Variants in GMNC observed in about 807,000 individuals in gnomAD.
GMNC encodes geminin coiled-coil domain-containing protein 1.
In GMNC, 16 loss-of-function variants were observed where a neutral mutation model predicts 33.6. The ratio of observed to expected loss-of-function variants is 0.48; its 90% CI spans 0.32 to 0.72. GMNC has a LOEUF of 0.72. Among genes scored for constraint, GMNC ranks in the 30% least tolerant of loss-of-function variants. GMNC has a pLI of 0.03. For missense variants in GMNC, 393 were observed against 388.9 expected, an observed-to-expected ratio of 1.01 and a Z score of -0.09; for synonymous variants, 156 against 147.3, an observed-to-expected ratio of 1.06 and a Z score of -0.43.
chr3:190,851,231 C>T (rs970577430), downstream of GMNC, among the ~76,000 whole-genome samples: 1 of 152,190 alleles, frequency 6.6e-6, no homozygotes, highest in Non-Finnish European at 1.5e-5. Flanking sequence ...CAATCTGGAA[C>T]ATTTAACTGA....
Position 190,857,761 on chromosome 3 carries a change from T to TAGATACATACATCATACATACCTTGGC in GMNC, c.379_384+21dup, listed in dbSNP as rs1737778321. 3 of 1,131,390 alleles carry TAGATACATACATCATACATACCTTGGC rather than the reference T, an allele frequency of 2.7e-6. No individual in the cohort carries two copies. The African/African-American group carries it at 4.6e-5, about 17-fold the overall frequency. 70.1% of individuals were successfully genotyped at this position (1,131,390 alleles called of 1,614,324 possible). A position where few individuals can be genotyped will look rare whatever the true frequency, so the allele number is the denominator to read the frequency against. ...AAATCACTGCTTTGTTCTTATAAAG[T>TAGATACATACATCATACATACCTTGGC]AGATACATACATCATACATACCTTG... On this transcript the variant is annotated intron_variant, in intron 4 of 4. Transcript: ENST00000442080.
the GMNC span, among the ~76,000 whole-genome samples, chr3:190,844,615 G>A: frequency 7.9e-5 from 12 of 151,818 alleles, no homozygotes; most frequent in African/African-American, 2.7e-4. Flanking sequence ...TCAATATTTT[G>A]CATAAAAGTA....
At chr3:190,848,254 G>A (rs1328455636), downstream of GMNC, among the ~76,000 whole-genome samples, 10 of 152,216 alleles carry the variant, frequency 6.6e-5, no homozygotes, top group East Asian at 1.4e-3. Context: ...GTACAGAAGC[G>A]TCTGCTGCAT....
In GMNC at chr3:190,860,989, T is replaced by C. The variant is rs1203236235; in HGVS notation, c.4-131A>G. On this transcript the variant is annotated intron_variant, in intron 1 of 4. Coordinates refer to ENST00000442080, the MANE Select transcript of GMNC (RefSeq NM_001146686.3). ...TATAAAGAAAAAAAATCAGAAAAGG[T>C]GTTAAGTATAGATCCATATTAATTT... is the stretch of plus-strand genomic sequence containing the variant. The C allele has an allele frequency of 2.2e-5, 14 of 635,214 alleles. No homozygotes were observed. In the East Asian group the frequency reaches 3.6e-4, roughly 16 times the overall value. The allele number at this position is 635,214 out of a possible 1,614,324, so 39.3% of individuals were successfully genotyped here.
At chr3:190,858,074 AGTT>A in intron 3 of GMNC, 175 bp from the exon 4 acceptor site, 1 of 592,520 alleles carries the variant, frequency 1.7e-6, no homozygotes, top group Non-Finnish European at 3.0e-6. Flanking sequence ...CCTAATGCCT[AGTT>A]GTTCAGCTTT....
rs772537968 is a variant in GMNC at position 190,860,875 on chromosome 3, G to A, written c.4-17C>T. The A allele has an allele frequency of 6.6e-7, 1 of 1,522,760 alleles. No individual in the cohort carries two copies. The highest frequency in any genetic ancestry group is 8.9e-7 in the Non-Finnish European group (1 of 1,126,152). 94.3% of individuals were successfully genotyped at this position (1,522,760 alleles called of 1,614,324 possible). On this transcript the variant is annotated splice_polypyrimidine_tract_variant and intron_variant, in intron 1 of 4. Coordinates refer to ENST00000442080, the MANE Select transcript of GMNC (RefSeq NM_001146686.3). Reference sequence around the variant, plus strand: ...AATGGTGTTCTGTGAAATTCAGTATGGGGGGAGTGAGGGGTCCCAAAAGAT... The same window carrying A: ...AATGGTGTTCTGTGAAATTCAGTATAGGGGGAGTGAGGGGTCCCAAAAGAT...
In GMNC at chr3:190,855,565, A is replaced by G. The variant is rs777469611; in HGVS notation, c.735T>C (p.Tyr245=). The G allele has an allele frequency of 6.4e-6, 10 of 1,551,576 alleles. No individual in the cohort carries two copies. Among genetic ancestry groups the G allele is most frequent in the South Asian group, 3.6e-5 (3 of 84,058 alleles). The stretch of plus-strand genomic sequence containing the variant: ...GCAAGGGGGTTGTTCTGTCACCTCT[A>G]TAGTCAATTGGCATATCCTCTCTGG... The part of the protein sequence containing the change: ...NIPREDMPID[Y]RGDRTTPLHS... The change falls in exon 5 of 5, where the codon TAT becomes TAC. Residue 245 remains tyrosine (Y), a synonymous_variant. Transcript: ENST00000442080.
chr3:190,851,039 T>C (rs7340687), downstream of GMNC, among the ~76,000 whole-genome samples: 52,269 of 151,964 alleles, frequency 0.34, 9,494 homozygotes, highest in African/African-American at 0.45. Context: ...CAAGATAATC[T>C]CCATGTAGTG....
rs569642057 is a variant in GMNC, at chr3:190,857,889, G to A, written c.278C>T (p.Thr93Ile). The A allele has an allele frequency of 5.6e-5, 87 of 1,540,298 alleles. No individual in the cohort carries two copies. The highest frequency in any genetic ancestry group is 1.6e-5 in the Non-Finnish European group (18 of 1,136,688). ...GAGTTCTTCTTCCTTCTGCACCAGG[G>A]TATCTTGCAGCTACAAAAAGCAGAC... is the stretch of plus-strand genomic sequence containing the variant. ...QLYRNKQLQD[T>I]LVQKEEELAR... The change falls in exon 4 of 5, where the codon ACC (threonine) becomes ATC (isoleucine). Residue 93 changes from threonine (T) to isoleucine (I), a missense_variant. By Grantham distance (89) the Thr-to-Ile change is moderately conservative. Coordinates refer to ENST00000442080, the MANE Select transcript of GMNC (RefSeq NM_001146686.3).
downstream of GMNC, among the ~76,000 whole-genome samples, chr3:190,850,556 G>T (rs1439193868): frequency 1.3e-5 from 2 of 152,202 alleles, no homozygotes; most frequent in East Asian, 3.9e-4. Flanking sequence ...CCTATGGGGT[G>T]ACCTGGGATT....
downstream of GMNC, among the ~76,000 whole-genome samples, chr3:190,852,021 A>G (rs1474912280): frequency 2.3e-5 from 3 of 127,922 alleles, no homozygotes; most frequent in African/African-American, 1.1e-4. Flanking sequence ...AAATAAGTTG[A>G]AAAACATTAT....
At position 190,861,314 on chromosome 3, in the gene GMNC, A is replaced by T. The variant is rs1246736430; in HGVS notation, c.4-456T>A. Among the ~76,000 whole-genome samples, 4 of 152,214 alleles carry T rather than the reference A, an allele frequency of 2.6e-5. No individual in the cohort carries two copies. The highest frequency in any genetic ancestry group is 2.6e-4 in the Admixed American group (4 of 15,290). Reference sequence around the variant, plus strand: ...ACGCAGAATGCTAAAGCTGAAATGGATGTGACATAATATAGACTAACGTCT... The same window carrying T: ...ACGCAGAATGCTAAAGCTGAAATGGTTGTGACATAATATAGACTAACGTCT... On this transcript the variant is annotated intron_variant, in intron 1 of 4. Transcript: ENST00000442080. This position sits in a 1 kb window ranked among gnomAD's most constrained non-coding sequence, Gnocchi z 5.1.
rs1737669512 is a variant in GMNC at position 190,853,452 on chromosome 3, G to A, written c.*1843C>T. The A allele has an allele frequency of 1.3e-5, 2 of 151,966 alleles. No individual in the cohort carries two copies. The highest frequency in any genetic ancestry group is 4.8e-5 in the African/African-American group (2 of 41,374). The allele number at this position is 151,966 out of a possible 1,614,324, so 9.4% of individuals were successfully genotyped here. On this transcript the variant is annotated 3_prime_UTR_variant, in exon 5 of 5. Transcript: ENST00000442080. ...GTTCTACTTCTTAAAGTACTCCAGAGAGTAATATTAATTACTATATTGGAT... is the reference window on the plus strand; with the variant it reads ...GTTCTACTTCTTAAAGTACTCCAGAAAGTAATATTAATTACTATATTGGAT...
chr3:190,846,639 C>T, the GMNC span, among the ~76,000 whole-genome samples: 3 of 152,162 alleles, frequency 2.0e-5, no homozygotes, highest in African/African-American at 7.2e-5. Context: ...TTCATGGAAA[C>T]TCAAATTTGT....
At chr3:190,859,146 A>G (rs4687178) in intron 2 of GMNC, 130 bp from the exon 3 acceptor site, 207,165 of 599,852 alleles carry the variant, frequency 0.35, 39,317 homozygotes, top group African/African-American at 0.63. Flanking sequence ...GCTGCCATAC[A>G]GGAAAACAAG....
chr3:190,857,859 C>A lies in GMNC; in HGVS notation c.308G>T (p.Arg103Met), dbSNP rs760132964. 1 of 1,551,000 alleles carries A rather than the reference C, an allele frequency of 6.4e-7. No homozygotes were observed. Reference sequence around the variant, plus strand: ...GAGGTGATTATTCTCTTCGTGTAACCTGGCGAGTTCTTCTTCCTTCTGCAC... The same window carrying A: ...GAGGTGATTATTCTCTTCGTGTAACATGGCGAGTTCTTCTTCCTTCTGCAC... ...TLVQKEEELA[R>M]LHEENNHLRQ... Residue 103 changes from arginine (R) to methionine (M), a missense_variant, in exon 4 of 5, where the codon AGG becomes ATG. Transcript: ENST00000442080.
intron 4 of GMNC, among the ~76,000 whole-genome samples, chr3:190,856,432 T>C (rs948858031): frequency 7.4e-6 from 1 of 134,546 alleles, no homozygotes; most frequent in Non-Finnish European, 1.6e-5. Context: ...TATTAATTTA[T>C]ATAAGTAAAT....
intron 3 of GMNC, 74 bp downstream of exon 3, chr3:190,858,854 A>T: frequency 1.2e-6 from 1 of 853,144 alleles, no homozygotes; most frequent in Non-Finnish European, 1.8e-6. Flanking sequence ...AAAAGGGAAA[A>T]GAAGCAAGAT....
intron 4 of GMNC, among the ~76,000 whole-genome samples, chr3:190,856,403 TTATAAA>T (rs1683120011): frequency 2.3e-5 from 3 of 132,454 alleles, no homozygotes; most frequent in Non-Finnish European, 3.1e-5. Context: ...ATTTATATAT[TTATAAA>T]TATATTAATA....
Sources: gnomAD v4.1 joint callset for allele counts (sites outside exome capture counted in the v4.1 genomes callset) on GRCh38, gnomAD v4.1.1 for gene constraint, Gnocchi (gnomAD v3.1) non-coding constraint, MANE v1.5 for transcripts, NCBI Gene and HGNC (gene_info 2026-07-23, HGNC 2026-07-21) for gene names.